The following RAB18 variants were observed in gnomAD, a reference collection of about 807,000 sequenced individuals.
The protein encoded by RAB18 is RAB18, member RAS oncogene family.
In RAB18, 10 loss-of-function variants were observed where a neutral mutation model predicts 28.5. The observed-to-expected ratio is 0.35, with a 90% confidence interval of 0.22 to 0.60. The LOEUF is 0.60. Ranked by LOEUF, RAB18 falls within the 20% of genes least tolerant of loss-of-function variation. RAB18 has a pLI of 0.78. For synonymous variants in RAB18, 93 were observed against 86.9 expected (o/e 1.07, Z -0.39); for missense variants, 188 against 244.2 (o/e 0.77, Z 1.53).
chr10:27,535,488 T>TA (rs1349647706), intron 6 of RAB18, among the ~76,000 whole-genome samples: 1 of 152,122 alleles, frequency 6.6e-6, no homozygotes, highest in East Asian at 1.9e-4. Context: ...TAGAGTGTGT[T>TA]AAGGAGAAGG....
At chr10:27,525,068 T>G (rs1834645146) in intron 2 of RAB18, among the ~76,000 whole-genome samples, 1 of 152,196 alleles carries the variant, frequency 6.6e-6, no homozygotes, top group African/African-American at 2.4e-5. Context: ...TATTCTTATG[T>G]CAGAGACAGT....
chr10:27,511,812 A>G (rs1834328580), intron 2 of RAB18, among the ~76,000 whole-genome samples: 2 of 152,200 alleles, frequency 1.3e-5, no homozygotes, highest in African/African-American at 2.4e-5. Context: ...TGTAGCATCC[A>G]TTGATAATTC....
chr10:27,541,392 A>G lies in RAB18; in HGVS notation c.*3341A>G, dbSNP rs1490190829. The G allele has an allele frequency of 2.2e-6, 1 of 452,046 alleles. No homozygotes were observed. Among genetic ancestry groups the G allele is most frequent in the African/African-American group, 2.0e-5 (1 of 49,354 alleles). 28.0% of individuals were successfully genotyped at this position (452,046 alleles called of 1,614,324 possible). A position where few individuals can be genotyped will look rare whatever the true frequency, so the allele number is the denominator to read the frequency against. On this transcript the variant is annotated 3_prime_UTR_variant, in exon 7 of 7. Coordinates refer to ENST00000356940, the MANE Select transcript of RAB18 (RefSeq NM_021252.5). ...CTCTCCTCAGTTGGGAACATCTATC[A>G]TGCTGGAGGACTACTGTGATGGGGC...
chr10:27,504,535 G>A, intron 1 of RAB18, 98 bp downstream of exon 1: 1 of 1,375,164 alleles, frequency 7.3e-7, no homozygotes, highest in Non-Finnish European at 1.0e-6. Flanking sequence ...AAACTGCAGC[G>A]GCGGGCTCGG....
Position 27,540,362 on chromosome 10 carries a change from A to T in RAB18, c.*2311A>T, listed in dbSNP as rs773743679. 2.2e-6 allele frequency: 1 copy of T among 454,098 alleles called. No homozygotes were observed. Among genetic ancestry groups the T allele is most frequent in the East Asian group, 6.9e-5 (1 of 14,392 alleles). 28.1% of individuals were successfully genotyped at this position (454,098 alleles called of 1,614,324 possible). A position where few individuals can be genotyped will look rare whatever the true frequency, so the allele number is the denominator to read the frequency against. On this transcript the variant is annotated 3_prime_UTR_variant, in exon 7 of 7. Transcript: ENST00000356940. The stretch of plus-strand genomic sequence containing the variant: ...TCAGTCACTGAGCTGGATTCCAGTC[A>T]TGGCATTTTTACTTCTGAGCCCATA...
chr10:27,510,596 GA>G (rs1834305580), intron 2 of RAB18: 1 of 152,606 alleles, frequency 6.6e-6, no homozygotes. Flanking sequence ...TGGAATAGTT[GA>G]AAGGTAGCTG....
At chr10:27,524,140 G>C (rs1168481517) in intron 2 of RAB18, among the ~76,000 whole-genome samples, 1 of 152,106 alleles carries the variant, frequency 6.6e-6, no homozygotes, top group Non-Finnish European at 1.5e-5. Flanking sequence ...GTTTTGCTGG[G>C]GCTGGTCTTA....
At chr10:27,526,794 C>G in intron 2 of RAB18, 34 bp from the exon 3 acceptor site, 1 of 1,611,580 alleles carries the variant, frequency 6.2e-7, no homozygotes, top group African/African-American at 1.3e-5. Flanking sequence ...GTCTGTTTTA[C>G]TGGGAGACTT....
chr10:27,531,712 A>G (rs1390743555), intron 3 of RAB18: 4 of 679,778 alleles, frequency 5.9e-6, no homozygotes, highest in South Asian at 4.8e-5. Flanking sequence ...CCTTGAATCC[A>G]TAGTCCAAGG....
At chr10:27,522,916 C>A (rs1014775212) in intron 2 of RAB18, among the ~76,000 whole-genome samples, 1 of 151,896 alleles carries the variant, frequency 6.6e-6, no homozygotes, top group African/African-American at 2.4e-5. Context: ...ATCAATTTGA[C>A]TAGAAGTTTA....
At chr10:27,520,417 A>G (rs183430713) in intron 2 of RAB18, among the ~76,000 whole-genome samples, 14 of 149,876 alleles carry the variant, frequency 9.3e-5, no homozygotes, top group African/African-American at 3.4e-4. Flanking sequence ...AAGTTTGTCT[A>G]TTTTGTTGAT....
intron 3 of RAB18, chr10:27,531,397 C>G: frequency 7.3e-7 from 1 of 1,373,620 alleles, no homozygotes; most frequent in Non-Finnish European, 9.5e-7. Flanking sequence ...TTATAAACCT[C>G]TTACAGGTTA....
intron 2 of RAB18, among the ~76,000 whole-genome samples, chr10:27,526,455 C>T (rs971102757): frequency 6.6e-6 from 1 of 152,078 alleles, no homozygotes. Context: ...GCTTAGGGAG[C>T]CCCTGGAAGC....
At chr10:27,510,432 G>C (rs927924995) in intron 2 of RAB18, 2 of 167,996 alleles carry the variant, frequency 1.2e-5, no homozygotes, top group South Asian at 2.9e-4. Context: ...ATTGTTAGGA[G>C]CAATGATACT....
At chr10:27,512,139 G>A (rs767904924) in intron 2 of RAB18, among the ~76,000 whole-genome samples, 11 of 151,892 alleles carry the variant, frequency 7.2e-5, no homozygotes, top group Non-Finnish European at 1.5e-4. Context: ...TGAACTCATG[G>A]TGCCTCTAAA....
At chr10:27,504,516 G>T (rs1214132185) in intron 1 of RAB18, 79 bp downstream of exon 1, 1 of 1,472,074 alleles carries the variant, frequency 6.8e-7, no homozygotes, top group African/African-American at 1.4e-5. Context: ...GGGCCGCGAC[G>T]GGAACTGTAA....
At chr10:27,505,477 A>AT (rs1837800434) in intron 1 of RAB18, among the ~76,000 whole-genome samples, 2 of 152,364 alleles carry the variant, frequency 1.3e-5, no homozygotes, top group South Asian at 4.1e-4. Context: ...ATAACTTGTA[A>AT]AAGTCACTTC....
chr10:27,521,924 A>T, intron 2 of RAB18, among the ~76,000 whole-genome samples: 1 of 151,308 alleles, frequency 6.6e-6, no homozygotes, highest in East Asian at 1.9e-4. Context: ...TTCTGCAGGG[A>T]GAGGAAGGGG....
intron 3 of RAB18, among the ~76,000 whole-genome samples, chr10:27,528,875 A>G (rs1470657251): frequency 6.6e-6 from 1 of 151,938 alleles, no homozygotes; most frequent in Non-Finnish European, 1.5e-5. Context: ...CTCTACTGTT[A>G]TCATTCTTTC....
Sources: allele counts gnomAD v4.1 joint callset (sites outside exome capture counted in the v4.1 genomes callset), GRCh38; gene constraint gnomAD v4.1.1; transcripts MANE v1.5; gene names NCBI Gene and HGNC (gene_info 2026-07-23, HGNC 2026-07-21).